The following ESRRG variants were observed in gnomAD, a reference collection of about 807,000 sequenced individuals.
ESRRG encodes the protein estrogen-related receptor gamma.
A neutral mutation model predicts 44.0 loss-of-function variants in ESRRG; 13 were observed. That is an observed-to-expected ratio of 0.30 (90% confidence interval 0.19 to 0.47). The LOEUF (loss-of-function observed/expected upper bound fraction) is 0.47. Ranked by LOEUF, ESRRG falls within the 20% of genes least tolerant of loss-of-function variation. The pLI is 1.00. For missense variants in ESRRG, 395 were observed against 580.6 expected, an observed-to-expected ratio of 0.68 and a Z score of 3.29; for synonymous variants, 215 against 214.6, an observed-to-expected ratio of 1.00 and a Z score of -0.02.
chr1:216,965,308 G>A (rs1035195154), intron 1 of ESRRG, among the ~76,000 whole-genome samples: 1 of 152,086 alleles, frequency 6.6e-6, no homozygotes, highest in Non-Finnish European at 1.5e-5. Flanking sequence ...GATGTTCTAT[G>A]GTCCTGGATG....
chr1:216,640,183 C>T (rs2066106830), intron 3 of ESRRG, among the ~76,000 whole-genome samples: 1 of 152,146 alleles, frequency 6.6e-6, no homozygotes, highest in Non-Finnish European at 1.5e-5. Context: ...CAAAGCCGCA[C>T]TGGCTCTCAA....
intron 2 of ESRRG, among the ~76,000 whole-genome samples, chr1:216,766,378 G>A (rs985966736): frequency 3.3e-5 from 5 of 152,038 alleles, no homozygotes; most frequent in East Asian, 3.9e-4. Context: ...GAGAGTGGGC[G>A]AAAATCATCC....
rs886111787 is a variant in ESRRG at position 216,504,382 on chromosome 1, C to T, written c.*2557G>A. On this transcript the variant is annotated 3_prime_UTR_variant, in exon 7 of 7. Transcript: ENST00000408911. ...AAGGGATGTGCCAATTTCTGAACTC[C>T]TATCACAGCTATAAATTTCAAGTTA... The T allele has an allele frequency of 6.6e-6, 1 of 152,480 alleles. No homozygotes were observed. The highest frequency in any genetic ancestry group is 2.4e-5 in the African/African-American group (1 of 41,410). The allele number at this position is 152,480 out of a possible 1,614,324, so 9.4% of individuals were successfully genotyped here. A position where few individuals can be genotyped will look rare whatever the true frequency, so the allele number is the denominator to read the frequency against.
At chr1:216,623,233 C>A (rs1167476553) in intron 3 of ESRRG, among the ~76,000 whole-genome samples, 1 of 151,918 alleles carries the variant, frequency 6.6e-6, no homozygotes, top group Non-Finnish European at 1.5e-5. Flanking sequence ...CAGGGGCCCA[C>A]CACCACGCCC....
At chr1:216,929,388 GC>G (rs1361664951) in intron 2 of ESRRG, among the ~76,000 whole-genome samples, 3 of 152,126 alleles carry the variant, frequency 2.0e-5, no homozygotes, top group Admixed American at 1.3e-4. Flanking sequence ...GAGAAAAGGG[GC>G]CATCAAAAAG....
intron 2 of ESRRG, among the ~76,000 whole-genome samples, chr1:216,789,434 C>T (rs1576573711): frequency 6.6e-6 from 1 of 152,028 alleles, no homozygotes; most frequent in African/African-American, 2.4e-5. Flanking sequence ...TGGATGTTAC[C>T]TTTTTGGCAT....
chr1:216,996,270 T>C (rs2185223), intron 1 of ESRRG, among the ~76,000 whole-genome samples: 129,499 of 151,686 alleles, frequency 0.85, 55,456 homozygotes, highest in East Asian at 1. Context: ...AGATGATATG[T>C]TACATTTTAA....
At chr1:217,127,479 A>G (rs148043687) in intron 1 of ESRRG, among the ~76,000 whole-genome samples, 1 of 152,244 alleles carries the variant, frequency 6.6e-6, no homozygotes. Flanking sequence ...TAGACCTTCC[A>G]GTGTTTCAAG....
At chr1:217,050,724 A>G (rs1207017491) in intron 1 of ESRRG, among the ~76,000 whole-genome samples, 1 of 152,100 alleles carries the variant, frequency 6.6e-6, no homozygotes, top group African/African-American at 2.4e-5. Context: ...CTTTTCCTCA[A>G]TGTTTTTGTT....
intron 1 of ESRRG, among the ~76,000 whole-genome samples, chr1:217,113,648 A>G (rs1354151032): frequency 6.6e-6 from 1 of 152,142 alleles, no homozygotes; most frequent in Non-Finnish European, 1.5e-5. Flanking sequence ...CTCAGAAGGA[A>G]AACCTTACTT....
At chr1:216,762,772 G>A (rs1265911288) in intron 2 of ESRRG, among the ~76,000 whole-genome samples, 3 of 151,898 alleles carry the variant, frequency 2.0e-5, no homozygotes, top group East Asian at 3.9e-4. Flanking sequence ...AGGCTAGGGA[G>A]CATTTTTTTC....
chr1:216,903,238 C>A (rs770611424), intron 2 of ESRRG, among the ~76,000 whole-genome samples: 2 of 152,110 alleles, frequency 1.3e-5, no homozygotes, highest in Non-Finnish European at 2.9e-5. Flanking sequence ...GAATCCCTGT[C>A]ATGGGAAATG....
intron 2 of ESRRG, among the ~76,000 whole-genome samples, chr1:216,741,262 A>ATAATTTATATAATTTATATTTG (rs1171482661): frequency 0.035 from 4,908 of 139,870 alleles, 137 homozygotes; most frequent in Middle Eastern, 0.051. Context: ...ATTTATATTT[A>ATAATTTATATAATTTATATTTG]TAATTTATAT....
At chr1:216,562,156 A>C (rs963681373) in intron 5 of ESRRG, among the ~76,000 whole-genome samples, 3 of 152,182 alleles carry the variant, frequency 2.0e-5, no homozygotes, top group African/African-American at 7.2e-5. Context: ...TGATATCAAA[A>C]TATTGGCCTT....
chr1:217,093,774 C>A (rs1169261961), upstream of ESRRG, among the ~76,000 whole-genome samples: 4 of 150,648 alleles, frequency 2.7e-5, no homozygotes, highest in African/African-American at 9.7e-5. Flanking sequence ...CAGAGTGAGA[C>A]CCCTGTCTCA....
chr1:216,990,401 T>A (rs1419880405), intron 1 of ESRRG, among the ~76,000 whole-genome samples: 1 of 152,244 alleles, frequency 6.6e-6, no homozygotes, highest in Admixed American at 6.5e-5. Context: ...CTCATTTATA[T>A]ATATTTTTTA....
chr1:216,956,033 G>T (rs141575388), intron 1 of ESRRG, among the ~76,000 whole-genome samples: 2 of 152,082 alleles, frequency 1.3e-5, no homozygotes, highest in East Asian at 3.9e-4. Context: ...TGTTTCCTTT[G>T]CTGTGCAGAA....
At chr1:216,512,286 C>A (rs1219428471) in intron 6 of ESRRG, among the ~76,000 whole-genome samples, 1 of 152,046 alleles carries the variant, frequency 6.6e-6, no homozygotes, top group Non-Finnish European at 1.5e-5. Context: ...CCAATTTGCA[C>A]AAAATGCAAA....
chr1:216,933,452 G>C (rs956671060), intron 2 of ESRRG, among the ~76,000 whole-genome samples: 1 of 151,468 alleles, frequency 6.6e-6, no homozygotes, highest in African/African-American at 2.4e-5. Flanking sequence ...AAAAAAATTC[G>C]TTTGAAAATT....
Sources: allele counts gnomAD v4.1 joint callset (sites outside exome capture counted in the v4.1 genomes callset), GRCh38; gene constraint gnomAD v4.1.1; transcripts MANE v1.5; gene names NCBI Gene and HGNC (gene_info 2026-07-23, HGNC 2026-07-21).